DNM3: variants seen among roughly 807,000 people sequenced by gnomAD.
DNM3 encodes dynamin 3, also known as dynamin-3.
DNM3 carries 47 observed loss-of-function variants against 101.6 expected under a neutral mutation model. That is an observed-to-expected ratio of 0.46 (90% CI 0.37 to 0.59). DNM3 has a LOEUF of 0.59. DNM3 is among the 20% of genes least tolerant of loss of function. DNM3 has a pLI of 0.00. For missense variants in DNM3, 849 were observed against 1,085.7 expected, an observed-to-expected ratio of 0.78 and a Z score of 3.06; for synonymous variants, 385 against 387.9, an observed-to-expected ratio of 0.99 and a Z score of 0.09.
intron 16 of DNM3, chr1:172,309,860 G>A (rs2065006098): frequency 1.3e-5 from 2 of 152,186 alleles, no homozygotes; most frequent in African/African-American, 4.8e-5. Context: ...ATACAGGATT[G>A]AGGACTTGCA....
At chr1:172,295,610 G>A (rs934166185) in intron 15 of DNM3, among the ~76,000 whole-genome samples, 3 of 151,996 alleles carry the variant, frequency 2.0e-5, no homozygotes, top group African/African-American at 7.2e-5. Context: ...AAAGATAACT[G>A]CTGAAAAATA....
chr1:172,108,244 T>C (rs776542371), intron 13 of DNM3, among the ~76,000 whole-genome samples: 4 of 152,194 alleles, frequency 2.6e-5, no homozygotes, highest in Non-Finnish European at 5.9e-5. Flanking sequence ...TACATGTCAG[T>C]TCAAAATTCC....
In DNM3 at chr1:171,897,597, G is replaced by GTAGTTGAAA. The variant is rs1291746804; in HGVS notation, c.162-24151_162-24150insTAGTTGAAA. Among the ~76,000 whole-genome samples the GTAGTTGAAA allele has an allele frequency of 3.9e-5, 6 of 152,266 alleles. No homozygotes were observed. In the East Asian group the frequency reaches 1.2e-3, roughly 29 times the overall value. On this transcript the variant is annotated intron_variant, in intron 1 of 20. Transcript: ENST00000627582. ...AATTGTTTCTTTTGTTGAAAACCTA[G>GTAGTTGAAA]ATTAGTACATGCTATGCCATAGTGA...
At chr1:172,395,563 C>G (rs770834055) in intron 20 of DNM3, among the ~76,000 whole-genome samples, 1 of 152,212 alleles carries the variant, frequency 6.6e-6, no homozygotes, top group Non-Finnish European at 1.5e-5. Flanking sequence ...TCATCTTTCA[C>G]TCAGAAACAT....
intron 1 of DNM3, among the ~76,000 whole-genome samples, chr1:171,844,160 A>G (rs2031715881): frequency 6.6e-6 from 1 of 152,204 alleles, no homozygotes; most frequent in Non-Finnish European, 1.5e-5. Context: ...GGAGTTTTCT[A>G]TTTTGATAAG....
chr1:172,006,622 C>G (rs2046708692), intron 4 of DNM3, among the ~76,000 whole-genome samples: 1 of 152,032 alleles, frequency 6.6e-6, no homozygotes, highest in Non-Finnish European at 1.5e-5. Flanking sequence ...CCAATACCCT[C>G]CACCCCCTTC....
At chr1:171,920,635 A>G (rs1236639872) in intron 1 of DNM3, among the ~76,000 whole-genome samples, 1 of 152,210 alleles carries the variant, frequency 6.6e-6, no homozygotes, top group Non-Finnish European at 1.5e-5. Context: ...GACATTCTAA[A>G]TGTGTTTAAA....
chr1:172,418,320 C>A, exon 21 of DNM3: 1 of 1,288,984 alleles, frequency 7.8e-7, no homozygotes, highest in Non-Finnish European at 1.0e-6. Context: ...CATCCTAACC[C>A]CCATCATTCA....
At chr1:172,065,306 C>T (rs1017017547) in intron 10 of DNM3, among the ~76,000 whole-genome samples, 2 of 152,114 alleles carry the variant, frequency 1.3e-5, no homozygotes, top group Non-Finnish European at 2.9e-5. Context: ...CAAATGCTTG[C>T]GTAGTTACTT....
chr1:172,081,947 T>C, intron 12 of DNM3, 45 bp downstream of exon 12: 1 of 1,573,044 alleles, frequency 6.4e-7, no homozygotes, highest in Non-Finnish European at 8.7e-7. Context: ...CCTGTTGATT[T>C]GTCTCAAACA....
In DNM3 at chr1:172,038,422, A is replaced by T. The variant is rs751536300; in HGVS notation, c.953A>T (p.Lys318Ile). ...GAAGTAGAAGCCTACAAAAATTTCAAACCAGAAGACCCAACAAGGAAGACC... is the reference window on the plus strand; with the variant it reads ...GAAGTAGAAGCCTACAAAAATTTCATACCAGAAGACCCAACAAGGAAGACC... ...EHEVEAYKNFKPEDPTRKTKA... is the reference protein window; with the variant it reads ...EHEVEAYKNFIPEDPTRKTKA... The change falls in exon 7 of 21, where the codon AAA (lysine) becomes ATA (isoleucine). Residue 318 changes from lysine (K) to isoleucine (I), a missense_variant. Physicochemically the swap from Lys to Ile is moderately radical, Grantham distance 102. This residue lies in a region of DNM3 where 388 missense variants were observed against 483.0 expected (regional missense o/e 0.80). Transcript: ENST00000627582. 6.2e-7 allele frequency: 1 copy of T among 1,613,440 alleles called. No homozygotes were observed. The highest frequency in any genetic ancestry group is 1.7e-5 in the Admixed American group (1 of 59,948).
chr1:172,038,535 T>G, intron 7 of DNM3, 74 bp downstream of exon 7: 1 of 1,561,050 alleles, frequency 6.4e-7, no homozygotes. Context: ...TTAGTCTATT[T>G]GTCACGTTGC....
chr1:172,277,250 G>C (rs116470882), intron 15 of DNM3, among the ~76,000 whole-genome samples: 1 of 151,986 alleles, frequency 6.6e-6, no homozygotes, highest in Non-Finnish European at 1.5e-5. Context: ...CAGCCTTAAC[G>C]TTTGTATAAG....
At chr1:171,896,369 G>T (rs1015813677) in intron 1 of DNM3, among the ~76,000 whole-genome samples, 12 of 152,100 alleles carry the variant, frequency 7.9e-5, no homozygotes, top group Non-Finnish European at 1.6e-4. Context: ...CTTGTAAGTT[G>T]GATTCCTGGG....
intron 14 of DNM3, among the ~76,000 whole-genome samples, chr1:172,141,150 C>CA (rs1403274303): frequency 1.3e-5 from 2 of 151,984 alleles, no homozygotes; most frequent in African/African-American, 2.4e-5. Flanking sequence ...TCAAAAAATT[C>CA]AAAATGAAGA....
In DNM3 at chr1:172,112,806, G is replaced by A. The variant is rs149861703; in HGVS notation, c.1546-18369G>A. Reference sequence around the variant, plus strand: ...CTCACAGTGTTCAAAGATAAAAGAGGAAGAGCAGTGTGAATCTCATAGGGT... The same window carrying A: ...CTCACAGTGTTCAAAGATAAAAGAGAAAGAGCAGTGTGAATCTCATAGGGT... On this transcript the variant is annotated intron_variant, in intron 13 of 20. Transcript: ENST00000627582. Among the ~76,000 whole-genome samples, 1,478 of 152,300 alleles carry A rather than the reference G, an allele frequency of 9.7e-3. 14 individuals carry two copies. Among genetic ancestry groups the A allele is most frequent in the Middle Eastern group, 0.041 (12 of 294 alleles).
intron 4 of DNM3, among the ~76,000 whole-genome samples, chr1:172,001,568 C>A (rs567354588): frequency 7.9e-5 from 12 of 151,960 alleles, no homozygotes; most frequent in Non-Finnish European, 1.3e-4. Flanking sequence ...GCTAGGGAGG[C>A]AAATGTGTCT....
intron 14 of DNM3, among the ~76,000 whole-genome samples, chr1:172,250,458 G>A (rs931252871): frequency 6.6e-6 from 1 of 152,106 alleles, no homozygotes; most frequent in Non-Finnish European, 1.5e-5. Flanking sequence ...ACAATGGAAA[G>A]CTATTGAAAG....
chr1:172,042,123 C>T lies in DNM3; in HGVS notation c.1107C>T (p.Arg369=). 6.2e-7 allele frequency: 1 copy of T among 1,606,576 alleles called. No homozygotes were observed. Among genetic ancestry groups the T allele is most frequent in the Non-Finnish European group, 8.5e-7 (1 of 1,177,996 alleles). ...GAKINRIFHE[R]FPFEIVKMEF... ...AAATCAATCGTATTTTTCATGAACG[C>T]TTTCCTTTTGAGATAGTAAAGGTTT... Residue 369 remains arginine, a synonymous_variant, in exon 8 of 21, where the codon CGC becomes CGT. Transcript: ENST00000627582.
Sources: gnomAD v4.1 joint callset for allele counts (sites outside exome capture counted in the v4.1 genomes callset) on GRCh38, gnomAD v4.1.1 for gene constraint, gnomAD v4.1.1 regional missense constraint, MANE v1.5 for transcripts, NCBI Gene and HGNC (gene_info 2026-07-23, HGNC 2026-07-21) for gene names.